The following CYP7B1 variants were observed in gnomAD, a reference collection of about 807,000 sequenced individuals.
CYP7B1 encodes the protein cytochrome P450 family 7 subfamily B member 1.
Under a neutral mutation model 42.7 loss-of-function variants are expected in CYP7B1, and 29 were observed. The observed-to-expected ratio is 0.68, with a 90% CI of 0.51 to 0.93. CYP7B1 has a LOEUF of 0.93. CYP7B1 is among the 40% of genes least tolerant of loss of function. The probability of loss-of-function intolerance (pLI) is 0.00; values close to 1 mark genes in which losing one functional copy is unlikely to be tolerated. For missense variants in CYP7B1, 655 were observed against 600.5 expected (o/e 1.09, Z -0.95); for synonymous variants, 235 against 218.2 (o/e 1.08, Z -0.68).
At chr8:64,733,430 C>A (rs183523789) in intron 1 of CYP7B1, among the ~76,000 whole-genome samples, 1 of 152,296 alleles carries the variant, frequency 6.6e-6, no homozygotes, top group Non-Finnish European at 1.5e-5. Context: ...CATCTGAGGA[C>A]CAACTAGTGC....
intron 1 of CYP7B1, among the ~76,000 whole-genome samples, chr8:64,665,655 C>T (rs1271940316): frequency 1.5e-5 from 2 of 134,724 alleles, no homozygotes; most frequent in Admixed American, 1.7e-4. Context: ...CAGCTCACCA[C>T]AACCTCTGCC....
chr8:64,657,212 G>A (rs1171732085), intron 1 of CYP7B1, among the ~76,000 whole-genome samples: 2 of 152,054 alleles, frequency 1.3e-5, no homozygotes, highest in East Asian at 1.9e-4. Flanking sequence ...ATTGTTCCAC[G>A]ACCTCAGTAG....
At chr8:64,759,618 T>C (rs536379964) in intron 1 of CYP7B1, among the ~76,000 whole-genome samples, 2 of 152,160 alleles carry the variant, frequency 1.3e-5, no homozygotes, top group Non-Finnish European at 2.9e-5. Flanking sequence ...GAATATGAAC[T>C]GTTAGACTTT....
intron 1 of CYP7B1, among the ~76,000 whole-genome samples, chr8:64,644,419 C>T (rs902865655): frequency 6.6e-6 from 1 of 152,098 alleles, no homozygotes; most frequent in Non-Finnish European, 1.5e-5. Context: ...CTTTTCCCAG[C>T]TCCATCGGAG....
intron 1 of CYP7B1, among the ~76,000 whole-genome samples, chr8:64,649,869 T>C (rs1806012547): frequency 1.3e-5 from 2 of 152,260 alleles, no homozygotes; most frequent in South Asian, 2.1e-4. Context: ...TTTGGAGATA[T>C]GTATATTCAA....
At chr8:64,646,708 A>C (rs1805959156) in intron 1 of CYP7B1, among the ~76,000 whole-genome samples, 1 of 152,216 alleles carries the variant, frequency 6.6e-6, no homozygotes, top group Admixed American at 6.6e-5. Flanking sequence ...GCAGCTTCTC[A>C]ATCAGCTTTA....
intron 1 of CYP7B1, among the ~76,000 whole-genome samples, chr8:64,631,702 A>C (rs753337894): frequency 2.8e-4 from 42 of 152,204 alleles, no homozygotes; most frequent in African/African-American, 9.6e-4. Flanking sequence ...AAAAATAAGG[A>C]ACTCCTAAAA....
At chr8:64,611,563 C>CACTGCAAGCTCATACTTCTAGAGTTAT (rs1805364204) in intron 4 of CYP7B1, among the ~76,000 whole-genome samples, 4 of 152,150 alleles carry the variant, frequency 2.6e-5, no homozygotes, top group Non-Finnish European at 5.9e-5. Flanking sequence ...GATGTGGACT[C>CACTGCAAGCTCATACTTCTAGAGTTAT]ACTGCAAGCT....
chr8:64,782,067 A>C (rs1362391341), intron 1 of CYP7B1, among the ~76,000 whole-genome samples: 1 of 152,080 alleles, frequency 6.6e-6, no homozygotes, highest in Non-Finnish European at 1.5e-5. Flanking sequence ...CTCAAAAGTC[A>C]CCATTTGTAT....
In CYP7B1 at chr8:64,798,656, A is replaced by G. The variant is rs554604417; in HGVS notation, c.-69T>C. 7.1e-7 allele frequency: 1 copy of G among 1,417,206 alleles called. No homozygotes were observed. Among genetic ancestry groups the G allele is most frequent in the African/African-American group, 1.5e-5 (1 of 65,924 alleles). The allele number at this position is 1,417,206 out of a possible 1,614,324, so 87.8% of individuals were successfully genotyped here. On this transcript the variant is annotated 5_prime_UTR_variant, in exon 1 of 6. Coordinates refer to ENST00000310193, the MANE Select transcript of CYP7B1 (RefSeq NM_004820.5). ...CGAACAGCGCGGTCGGCGACTCTGC[A>G]GCCTGCGGCGGCTTCTCTCGGCGGC...
At chr8:64,671,248 G>T (rs914929566) in intron 1 of CYP7B1, among the ~76,000 whole-genome samples, 1 of 152,030 alleles carries the variant, frequency 6.6e-6, no homozygotes, top group Admixed American at 6.6e-5. Context: ...ACTACCAATA[G>T]AGCTTGGGGC....
At position 64,624,951 on chromosome 8, in the gene CYP7B1, C is replaced by CTTTTTTTTTTTTTTTT. The variant is rs71260892; in HGVS notation, c.123-428_123-413dup. 1.3e-4 allele frequency among the ~76,000 whole-genome samples: 7 copies of CTTTTTTTTTTTTTTTT among 54,062 alleles called. 1 individual carries two copies. Among genetic ancestry groups the CTTTTTTTTTTTTTTTT allele is most frequent in the Admixed American group, 3.0e-4 (1 of 3,280 alleles). The allele number at this position is 54,062 out of a possible 152,430, so 35.5% of individuals were successfully genotyped here. A position where few individuals can be genotyped will look rare whatever the true frequency, so the allele number is the denominator to read the frequency against. ...AGTCCCCAAAGTCCATTATATCATT[C>CTTTTTTTTTTTTTTTT]TTTTTTTTTTTTTTTTTTTTTTTTT... On this transcript the variant is annotated intron_variant, in intron 1 of 5. Coordinates refer to ENST00000310193, the MANE Select transcript of CYP7B1 (RefSeq NM_004820.5).
intron 1 of CYP7B1, among the ~76,000 whole-genome samples, chr8:64,625,078 A>G (rs990830249): frequency 6.4e-5 from 9 of 141,662 alleles, no homozygotes; most frequent in African/African-American, 2.4e-4. Context: ...GGTTCACGCC[A>G]TTCTCCCGCC....
Position 64,710,494 on chromosome 8 carries a change from T to C in CYP7B1, c.123-85955A>G, listed in dbSNP as rs566801074. 1.5e-4 allele frequency among the ~76,000 whole-genome samples: 23 copies of C among 152,334 alleles called. 1 individual carries two copies. The South Asian group carries it at 4.8e-3, about 32-fold the overall frequency. On this transcript the variant is annotated intron_variant, in intron 1 of 5. Coordinates refer to ENST00000310193, the MANE Select transcript of CYP7B1 (RefSeq NM_004820.5). ...GTAAATACTGTTTAAGTAGCTCCTA[T>C]ATATACCAGGTACCATATTTGACAC...
At chr8:64,669,880 A>G (rs1806339748) in intron 1 of CYP7B1, among the ~76,000 whole-genome samples, 1 of 152,214 alleles carries the variant, frequency 6.6e-6, no homozygotes, top group Admixed American at 6.5e-5. Flanking sequence ...AAGGGAGAAC[A>G]GGTATCATTT....
At chr8:64,789,826 A>G (rs1804589100) in intron 1 of CYP7B1, among the ~76,000 whole-genome samples, 1 of 152,242 alleles carries the variant, frequency 6.6e-6, no homozygotes, top group Non-Finnish European at 1.5e-5. Flanking sequence ...CAGATGTTTA[A>G]ATAAATCCAC....
intron 1 of CYP7B1, among the ~76,000 whole-genome samples, chr8:64,731,321 T>C (rs1011457191): frequency 6.6e-6 from 1 of 152,102 alleles, no homozygotes; most frequent in Admixed American, 6.6e-5. Flanking sequence ...GAGAACTTGT[T>C]GGGAACTGTA....
chr8:64,746,250 G>A (rs2129633387), intron 1 of CYP7B1, among the ~76,000 whole-genome samples: 1 of 152,078 alleles, frequency 6.6e-6, no homozygotes, highest in Admixed American at 6.6e-5. Context: ...TAATAATATA[G>A]CTTAAGTCCC....
chr8:64,602,028 G>A (rs1805211653), intron 5 of CYP7B1, among the ~76,000 whole-genome samples: 1 of 152,094 alleles, frequency 6.6e-6, no homozygotes, highest in Non-Finnish European at 1.5e-5. Context: ...TTCACTCTCA[G>A]TACATTTATC....
Sources: allele counts gnomAD v4.1 joint callset (sites outside exome capture counted in the v4.1 genomes callset), GRCh38; gene constraint gnomAD v4.1.1; transcripts MANE v1.5; gene names NCBI Gene and HGNC (gene_info 2026-07-23, HGNC 2026-07-21).